Variants in PTPRD observed in about 807,000 individuals in gnomAD.
PTPRD encodes the protein protein tyrosine phosphatase receptor type D, also known as receptor-type tyrosine-protein phosphatase delta.
Under a neutral mutation model 214.5 loss-of-function variants are expected in PTPRD, and 34 were observed. The observed-to-expected ratio is 0.16, with a 90% CI of 0.12 to 0.21. PTPRD has a LOEUF of 0.21. Among genes scored for constraint, PTPRD ranks in the 10% least tolerant of loss-of-function variants. The pLI, the probability that PTPRD is intolerant of heterozygous loss-of-function variation, is 1.00. For synonymous variants in PTPRD, 1,128 were observed against 845.7 expected (o/e 1.33, Z -5.79); for missense variants, 2,545 against 2,398.7 (o/e 1.06, Z -1.27).
At chr9:10,551,077 T>C (rs1321126172) in intron 2 of PTPRD, among the ~76,000 whole-genome samples, 1 of 152,184 alleles carries the variant, frequency 6.6e-6, no homozygotes, top group Non-Finnish European at 1.5e-5. Context: ...CTCATGCCTG[T>C]AATCGCAGTC....
chr9:9,486,575 C>T (rs1183215201), intron 8 of PTPRD, among the ~76,000 whole-genome samples: 1 of 151,616 alleles, frequency 6.6e-6, no homozygotes, highest in Non-Finnish European at 1.5e-5. Flanking sequence ...GTTCTTGCCC[C>T]TTCCTTCTCA....
chr9:8,565,366 C>T (rs905316226), intron 14 of PTPRD, among the ~76,000 whole-genome samples: 1 of 152,124 alleles, frequency 6.6e-6, no homozygotes, highest in African/African-American at 2.4e-5. Context: ...TATTTGGTTG[C>T]TTAAGAAATA....
At chr9:10,284,300 T>G (rs2095264607) in intron 3 of PTPRD, among the ~76,000 whole-genome samples, 1 of 152,136 alleles carries the variant, frequency 6.6e-6, no homozygotes, top group Non-Finnish European at 1.5e-5. Context: ...TCAGGAAAGG[T>G]GCATAAGATT....
At chr9:8,636,288 G>C (rs1173731437) in intron 13 of PTPRD, among the ~76,000 whole-genome samples, 4 of 152,134 alleles carry the variant, frequency 2.6e-5, no homozygotes. Context: ...CTTAAATTAA[G>C]TAGGCTACAC....
At chr9:9,580,092 C>A (rs988692133) in intron 7 of PTPRD, among the ~76,000 whole-genome samples, 5 of 152,152 alleles carry the variant, frequency 3.3e-5, no homozygotes, top group Middle Eastern at 3.4e-3. Context: ...GCGTGTATTA[C>A]ATTTTCTTTA....
At chr9:8,929,778 TGG>T (rs762089002) in intron 11 of PTPRD, among the ~76,000 whole-genome samples, 4,297 of 49,114 alleles carry the variant, frequency 0.087, 467 homozygotes, top group East Asian at 0.15. Flanking sequence ...TGTATATATA[TGG>T]GTGTGTATAT....
chr9:9,422,539 T>C (rs149952729), intron 8 of PTPRD, among the ~76,000 whole-genome samples: 124 of 152,164 alleles, frequency 8.1e-4, no homozygotes, highest in African/African-American at 2.5e-3. Flanking sequence ...GGTAAATTCA[T>C]TGGACGTAAG....
chr9:9,629,091 T>G (rs1363389093), intron 7 of PTPRD, among the ~76,000 whole-genome samples: 1 of 151,614 alleles, frequency 6.6e-6, no homozygotes, highest in Non-Finnish European at 1.5e-5. Flanking sequence ...GGAGAATCAC[T>G]TGAACCCGGG....
chr9:9,643,908 T>C (rs1298598855), intron 7 of PTPRD, among the ~76,000 whole-genome samples: 1 of 152,170 alleles, frequency 6.6e-6, no homozygotes, highest in Non-Finnish European at 1.5e-5. Flanking sequence ...CGCTAAAGAA[T>C]TATGTCAGTT....
intron 3 of PTPRD, among the ~76,000 whole-genome samples, chr9:10,044,547 A>G: frequency 6.6e-6 from 1 of 151,834 alleles, no homozygotes; most frequent in East Asian, 1.9e-4. Flanking sequence ...TCTAGATTTG[A>G]GAATTATCAA....
chr9:8,507,225 T>A, intron 22 of PTPRD, 76 bp downstream of exon 22: 1 of 1,512,478 alleles, frequency 6.6e-7, no homozygotes, highest in Non-Finnish European at 8.9e-7. Context: ...ACCAAGAATG[T>A]GGATAAATAC....
chr9:9,134,248 ATT>A (rs1236129721), intron 10 of PTPRD, among the ~76,000 whole-genome samples: 1 of 145,554 alleles, frequency 6.9e-6, no homozygotes, highest in Non-Finnish European at 1.5e-5. Flanking sequence ...AATTTTTTGT[ATT>A]TTTTAGTAGA....
At chr9:9,830,133 T>G (rs1383277277) in intron 5 of PTPRD, among the ~76,000 whole-genome samples, 1 of 151,722 alleles carries the variant, frequency 6.6e-6, no homozygotes, top group African/African-American at 2.4e-5. Flanking sequence ...CATATATATC[T>G]TTTTACTTAA....
chr9:9,361,625 T>C (rs992277414), intron 9 of PTPRD, among the ~76,000 whole-genome samples: 9 of 151,076 alleles, frequency 6.0e-5, no homozygotes, highest in African/African-American at 1.9e-4. Flanking sequence ...ACTTTAAATA[T>C]GTATCTTTTC....
In PTPRD at chr9:10,249,371, G is replaced by A. The variant is rs185546132; in HGVS notation, c.-545+91592C>T. 1.7e-3 allele frequency among the ~76,000 whole-genome samples: 253 copies of A among 152,110 alleles called. 1 individual carries two copies. Among genetic ancestry groups the A allele is most frequent in the African/African-American group, 5.4e-3 (224 of 41,508 alleles). On this transcript the variant is annotated intron_variant, in intron 3 of 45. Coordinates refer to ENST00000381196, the MANE Select transcript of PTPRD (RefSeq NM_002839.4). ...AGTAACAGGTATGTTAGTTCTCAGC[G>A]TCTCTTCTTGTTTCAAGATCTATAG...
At chr9:10,052,796 T>G (rs751472979) in intron 3 of PTPRD, among the ~76,000 whole-genome samples, 13 of 152,260 alleles carry the variant, frequency 8.5e-5, no homozygotes, top group South Asian at 2.1e-4. Context: ...CAACTATTCA[T>G]CTACTCTACT....
At chr9:9,008,686 A>C (rs2099493830) in intron 11 of PTPRD, among the ~76,000 whole-genome samples, 1 of 152,152 alleles carries the variant, frequency 6.6e-6, no homozygotes, top group African/African-American at 2.4e-5. Context: ...TCTGGGTTAA[A>C]ATATTCCAAC....
intron 7 of PTPRD, among the ~76,000 whole-genome samples, chr9:9,622,499 A>G (rs1341496667): frequency 6.6e-6 from 1 of 152,308 alleles, no homozygotes; most frequent in Admixed American, 6.5e-5. Context: ...AAGAAAAAAG[A>G]TTTACTAAAA....
chr9:9,598,914 CCT>C (rs1563961718), intron 7 of PTPRD, among the ~76,000 whole-genome samples: 3 of 151,884 alleles, frequency 2.0e-5, no homozygotes, highest in Admixed American at 6.6e-5. Context: ...CAGAGTGCCC[CCT>C]GTCTGACATT....
Sources: gnomAD v4.1 joint callset for allele counts (sites outside exome capture counted in the v4.1 genomes callset) on GRCh38, gnomAD v4.1.1 for gene constraint, MANE v1.5 for transcripts, NCBI Gene and HGNC (gene_info 2026-07-23, HGNC 2026-07-21) for gene names.